RIC3: variants seen among roughly 807,000 people sequenced by gnomAD.
The protein encoded by RIC3 is RIC3 acetylcholine receptor chaperone.
RIC3 carries 28 observed loss-of-function variants against 27.3 expected under a neutral mutation model. That is an observed-to-expected ratio of 1.02 (90% confidence interval 0.76 to 1.41). The LOEUF is 1.41. Among genes scored for constraint, RIC3 ranks in the 40% most tolerant of loss-of-function variants. The pLI, the probability that RIC3 is intolerant of heterozygous loss-of-function variation, is 0.00. For missense variants in RIC3, 501 were observed against 444.7 expected (o/e 1.13, Z -1.14); for synonymous variants, 184 against 160.4 (o/e 1.15, Z -1.11).
At position 8,127,285 on chromosome 11, in the gene RIC3, C is replaced by T. The variant is rs557825893; in HGVS notation, c.522-478G>A. On this transcript the variant is annotated intron_variant, in intron 4 of 5. Transcript: ENST00000309737. ...TACTAGAATCACCAGGCTTAATTTA[C>T]GTGTGCAGGTATAAGGATATATTCT... 2.8e-4 allele frequency among the ~76,000 whole-genome samples: 42 copies of T among 152,256 alleles called. No individual in the cohort carries two copies. In the East Asian group the frequency reaches 3.3e-3, roughly 12 times the overall value.
At chr11:8,138,939 G>A (rs1025884128) in intron 2 of RIC3, 9 of 160,868 alleles carry the variant, frequency 5.6e-5, no homozygotes, top group South Asian at 1.9e-4. Flanking sequence ...AATGGAAACC[G>A]GACACAGCAG....
chr11:8,115,820 T>G (rs114304659), intron 5 of RIC3, among the ~76,000 whole-genome samples: 2,094 of 152,278 alleles, frequency 0.014, 48 homozygotes, highest in African/African-American at 0.048. Context: ...GTCCATACTA[T>G]ACAAAGCAAT....
At chr11:8,166,386 G>A (rs539655373) in intron 1 of RIC3, among the ~76,000 whole-genome samples, 127 of 152,288 alleles carry the variant, frequency 8.3e-4, no homozygotes, top group African/African-American at 2.9e-3. Flanking sequence ...CATGTGGAAA[G>A]GGAACTGTGC....
At chr11:8,146,245 A>G (rs1431891654) in intron 1 of RIC3, among the ~76,000 whole-genome samples, 1 of 152,244 alleles carries the variant, frequency 6.6e-6, no homozygotes, top group Non-Finnish European at 1.5e-5. Context: ...TACCTACAGC[A>G]ACATGAATAC....
At chr11:8,095,541 C>T in the RIC3 span, 2 of 1,613,116 alleles carry the variant, frequency 1.2e-6, no homozygotes, top group Admixed American at 1.7e-5. Context: ...AGTCTGAGGC[C>T]CAAGGCCCAG....
chr11:8,156,404 G>A (rs1950655014), intron 1 of RIC3, among the ~76,000 whole-genome samples: 1 of 152,014 alleles, frequency 6.6e-6, no homozygotes, highest in South Asian at 2.1e-4. Context: ...CTGTAAAATG[G>A]GCATGATATC....
the RIC3 span, chr11:8,098,989 A>G: frequency 1.2e-6 from 1 of 800,746 alleles, no homozygotes; most frequent in South Asian, 1.6e-5. Context: ...GGCTGTGTGG[A>G]GAGGGGCTGT....
chr11:8,110,404 C>G lies in RIC3; in HGVS notation c.*294G>C, dbSNP rs1047233549. 1.3e-5 allele frequency: 6 copies of G among 469,096 alleles called. No individual in the cohort carries two copies. The highest frequency in any genetic ancestry group is 2.4e-5 in the Non-Finnish European group (6 of 254,338). The allele number at this position is 469,096 out of a possible 1,614,324, so 29.1% of individuals were successfully genotyped here. A position where few individuals can be genotyped will look rare whatever the true frequency, so the allele number is the denominator to read the frequency against. On this transcript the variant is annotated 3_prime_UTR_variant, in exon 6 of 6. Transcript: ENST00000309737. ...GTCAGACCTTTGCCCCTGAGTGGTCCCATCTGTAATTACAATAGACCAAAC... is the reference window on the plus strand; with the variant it reads ...GTCAGACCTTTGCCCCTGAGTGGTCGCATCTGTAATTACAATAGACCAAAC...
intron 1 of RIC3, among the ~76,000 whole-genome samples, chr11:8,153,896 C>T (rs1328788462): frequency 6.6e-6 from 1 of 152,146 alleles, no homozygotes; most frequent in South Asian, 2.1e-4. Flanking sequence ...ACAACCTCTG[C>T]TACCTGTGAC....
intron 5 of RIC3, among the ~76,000 whole-genome samples, chr11:8,115,794 T>C (rs533017574): frequency 6.6e-6 from 1 of 152,330 alleles, no homozygotes; most frequent in South Asian, 2.1e-4. Flanking sequence ...ATTGGAAGAA[T>C]TGATACTGCT....
At chr11:8,101,338 CTT>C, downstream of RIC3, 2 of 1,090,998 alleles carry the variant, frequency 1.8e-6, no homozygotes, top group Non-Finnish European at 2.7e-6. Flanking sequence ...CCCAATTGGC[CTT>C]TGTTTTACTT....
Position 8,111,153 on chromosome 11 carries a change from G to A in RIC3, c.671-16C>T. 1 of 1,524,198 alleles carries A rather than the reference G, an allele frequency of 6.6e-7. No individual in the cohort carries two copies. The highest frequency in any genetic ancestry group is 2.0e-5 in the Admixed American group (1 of 49,554). 94.4% of individuals were successfully genotyped at this position (1,524,198 alleles called of 1,614,324 possible). On this transcript the variant is annotated splice_polypyrimidine_tract_variant and intron_variant, in intron 5 of 5. Transcript: ENST00000309737. The stretch of plus-strand genomic sequence containing the variant: ...TCAGGGTAACCTAGAGAGAAAAGTA[G>A]CACAAAGTATTACAAAGAATGTCTC...
At chr11:8,127,668 C>G (rs1947150278) in intron 4 of RIC3, among the ~76,000 whole-genome samples, 2 of 150,292 alleles carry the variant, frequency 1.3e-5, no homozygotes, top group Non-Finnish European at 2.9e-5. Context: ...TGATAACTAT[C>G]TGCTTTGAGA....
chr11:8,128,848 G>A (rs910311834), intron 4 of RIC3, among the ~76,000 whole-genome samples: 9 of 142,652 alleles, frequency 6.3e-5, no homozygotes, highest in Admixed American at 3.1e-4. Context: ...TCCGCCTCCC[G>A]GGTTCACGCC....
intron 5 of RIC3, among the ~76,000 whole-genome samples, chr11:8,122,651 T>C (rs1590126252): frequency 6.6e-6 from 1 of 152,104 alleles, no homozygotes; most frequent in African/African-American, 2.4e-5. Context: ...CAAATTATGG[T>C]ATAAGCATAT....
At position 8,168,977 on chromosome 11, in the gene RIC3, T is replaced by G; in HGVS notation, c.13A>C (p.Thr5Pro). MAYSTVQRVALASGL... is the reference protein window; with the variant it reads MAYSPVQRVALASGL... ...GAAGCCAGAGCGACTCTCTGCACTG[T>G]GGAGTACGCCATGACTGCTCACGGT... The change falls in exon 1 of 6, where the codon ACA (threonine) becomes CCA (proline). Residue 5 changes from threonine (T) to proline (P), a missense_variant. Transcript: ENST00000309737. 1 of 1,599,156 alleles carries G rather than the reference T, an allele frequency of 6.3e-7. No individual in the cohort carries two copies. The highest frequency in any genetic ancestry group is 8.5e-7 in the Non-Finnish European group (1 of 1,173,978).
At chr11:8,151,341 A>G (rs780119346) in intron 1 of RIC3, among the ~76,000 whole-genome samples, 6 of 151,964 alleles carry the variant, frequency 3.9e-5, no homozygotes, top group African/African-American at 7.3e-5. Flanking sequence ...TAATCCCAGC[A>G]CTTTGGGAGG....
intron 1 of RIC3, among the ~76,000 whole-genome samples, chr11:8,144,731 G>C (rs918237091): frequency 6.6e-6 from 1 of 151,462 alleles, no homozygotes; most frequent in Non-Finnish European, 1.5e-5. Context: ...ACATGCACAC[G>C]TATGTTTATT....
the RIC3 span, chr11:8,097,307 T>G: frequency 1.2e-6 from 2 of 1,614,042 alleles, no homozygotes; most frequent in Non-Finnish European, 1.7e-6. Context: ...GAGTTTGCAC[T>G]GAGGCCGGCC....
Sources: gnomAD v4.1 joint callset for allele counts (sites outside exome capture counted in the v4.1 genomes callset) on GRCh38, gnomAD v4.1.1 for gene constraint, MANE v1.5 for transcripts, NCBI Gene and HGNC (gene_info 2026-07-23, HGNC 2026-07-21) for gene names.